Variants in RPS6KA2 observed in about 807,000 individuals in gnomAD.
RPS6KA2 encodes the protein ribosomal protein S6 kinase A2.
In RPS6KA2, 42 loss-of-function variants were observed where a neutral mutation model predicts 91.8. That is an observed-to-expected ratio of 0.46 (90% confidence interval 0.36 to 0.59). The LOEUF is 0.59. Ranked by LOEUF, RPS6KA2 falls within the 20% of genes least tolerant of loss-of-function variation. RPS6KA2 has a pLI of 0.00. For synonymous variants in RPS6KA2, 414 were observed against 393.6 expected (o/e 1.05, Z -0.61); for missense variants, 798 against 978.5 (o/e 0.82, Z 2.46).
chr6:166,429,603 A>T (rs1309530862), intron 16 of RPS6KA2, among the ~76,000 whole-genome samples: 1 of 152,082 alleles, frequency 6.6e-6, no homozygotes, highest in East Asian at 1.9e-4. Flanking sequence ...GGTGTGTGCC[A>T]CCAAGCCTGG....
At chr6:166,653,811 A>C (rs577450715) in intron 2 of RPS6KA2, among the ~76,000 whole-genome samples, 1 of 152,246 alleles carries the variant, frequency 6.6e-6, no homozygotes, top group African/African-American at 2.4e-5. Context: ...GAAAACAGAA[A>C]ATAACTTCTA....
chr6:166,537,706 T>C (rs1300105420), intron 2 of RPS6KA2, among the ~76,000 whole-genome samples: 1 of 152,254 alleles, frequency 6.6e-6, no homozygotes, highest in Non-Finnish European at 1.5e-5. Context: ...CAAAGTCATG[T>C]GAAGAATGCA....
At chr6:166,466,232 A>G (rs1344289784) in intron 11 of RPS6KA2, among the ~76,000 whole-genome samples, 1 of 152,250 alleles carries the variant, frequency 6.6e-6, no homozygotes, top group Non-Finnish European at 1.5e-5. Context: ...CACCCTGAGC[A>G]GAGGCGCTGT....
chr6:166,414,089 A>G (rs1050755662), intron 19 of RPS6KA2, among the ~76,000 whole-genome samples, 158 bp from the exon 20 acceptor site: 1 of 152,220 alleles, frequency 6.6e-6, no homozygotes, highest in African/African-American at 2.4e-5. Flanking sequence ...TTTCAGGTTT[A>G]GAAGTATGTC....
At chr6:166,764,464 T>C (rs1234498006) in intron 2 of RPS6KA2, among the ~76,000 whole-genome samples, 1 of 151,996 alleles carries the variant, frequency 6.6e-6, no homozygotes, top group Admixed American at 6.5e-5. Context: ...CGCGCTTCCC[T>C]CCTCACAAGG....
In RPS6KA2 at chr6:166,476,005, A is replaced by T. The variant is rs191510595; in HGVS notation, c.908-6100T>A. 2.3e-3 allele frequency among the ~76,000 whole-genome samples: 356 copies of T among 152,244 alleles called. 1 individual carries two copies. The highest frequency in any genetic ancestry group is 5.4e-3 in the Admixed American group (82 of 15,290). On this transcript the variant is annotated intron_variant, in intron 10 of 20. Transcript: ENST00000265678. Reference sequence around the variant, plus strand: ...TGAAGCCCTAATCCCCAATATCCCCAATGTCTCACAATGTGACCACATGTG... The same window carrying T: ...TGAAGCCCTAATCCCCAATATCCCCTATGTCTCACAATGTGACCACATGTG...
At chr6:166,578,048 T>C (rs902102145) in intron 1 of RPS6KA2, among the ~76,000 whole-genome samples, 2 of 152,316 alleles carry the variant, frequency 1.3e-5, no homozygotes, top group African/African-American at 4.8e-5. Flanking sequence ...ATATAAGAAA[T>C]GTTTTTTGCC....
chr6:166,701,616 G>A, intron 2 of RPS6KA2: 8 of 1,320,758 alleles, frequency 6.1e-6, no homozygotes, highest in Non-Finnish European at 7.6e-6. Flanking sequence ...GAACAGTCTC[G>A]GATTCTGATT....
chr6:166,430,080 CCCGAGTAGCT>C (rs1329675270), intron 16 of RPS6KA2, among the ~76,000 whole-genome samples: 1 of 151,918 alleles, frequency 6.6e-6, no homozygotes, highest in African/African-American at 2.4e-5. Context: ...GCCTCAGCCT[CCCGAGTAGCT>C]AGGATTGCAG....
intron 2 of RPS6KA2, among the ~76,000 whole-genome samples, chr6:166,650,287 A>G (rs888571371): frequency 6.6e-6 from 1 of 152,056 alleles, no homozygotes; most frequent in Non-Finnish European, 1.5e-5. Flanking sequence ...TTTCATCACC[A>G]CATTCTTATT....
chr6:166,791,937 A>G (rs945328645), intron 2 of RPS6KA2, among the ~76,000 whole-genome samples: 1 of 152,066 alleles, frequency 6.6e-6, no homozygotes, highest in Non-Finnish European at 1.5e-5. Context: ...TTGACACCCT[A>G]ACATCACAAT....
At chr6:166,466,525 C>T (rs1418625743) in intron 11 of RPS6KA2, among the ~76,000 whole-genome samples, 4 of 152,168 alleles carry the variant, frequency 2.6e-5, no homozygotes, top group Non-Finnish European at 5.9e-5. Context: ...CAGCTGCAGC[C>T]CTCAGGGTCT....
chr6:166,427,607 C>G (rs1778971277), intron 16 of RPS6KA2, among the ~76,000 whole-genome samples: 1 of 152,108 alleles, frequency 6.6e-6, no homozygotes, highest in African/African-American at 2.4e-5. Flanking sequence ...AGCAAAGTCT[C>G]AGGATACAAA....
chr6:166,687,722 T>C (rs957553083), intron 2 of RPS6KA2, among the ~76,000 whole-genome samples: 3 of 152,240 alleles, frequency 2.0e-5, no homozygotes, highest in Non-Finnish European at 4.4e-5. Flanking sequence ...TTCAAACAAA[T>C]TTAAGTTGGG....
chr6:166,463,795 T>C (rs1315989952), intron 11 of RPS6KA2, among the ~76,000 whole-genome samples: 1 of 152,148 alleles, frequency 6.6e-6, no homozygotes, highest in Non-Finnish European at 1.5e-5. Context: ...TGCAAAAATA[T>C]GCAGACCAGA....
intron 14 of RPS6KA2, among the ~76,000 whole-genome samples, chr6:166,436,029 C>T (rs906494980): frequency 2.6e-5 from 4 of 152,228 alleles, no homozygotes; most frequent in Admixed American, 2.6e-4. Context: ...AGGCACTCCT[C>T]TGGCTCACTG....
At position 166,448,161 on chromosome 6, in the gene RPS6KA2, G is replaced by A. The variant is rs986554632; in HGVS notation, c.1332+563C>T. ...TTCTCTATACTGTTCTTGACGGTTGGGAGTAAAACCATTAGCTCTCTGCCA... is the reference window on the plus strand; with the variant it reads ...TTCTCTATACTGTTCTTGACGGTTGAGAGTAAAACCATTAGCTCTCTGCCA... On this transcript the variant is annotated intron_variant, in intron 14 of 20. Coordinates refer to ENST00000265678, the MANE Select transcript of RPS6KA2 (RefSeq NM_021135.6). The surrounding 1 kb of genome is among the most constrained non-coding windows in gnomAD (Gnocchi z 4.7). 6.6e-6 allele frequency among the ~76,000 whole-genome samples: 1 copy of A among 152,146 alleles called. No individual in the cohort carries two copies. The highest frequency in any genetic ancestry group is 2.4e-5 in the African/African-American group (1 of 41,432).
chr6:166,538,379 C>A (rs1355710841), intron 2 of RPS6KA2, among the ~76,000 whole-genome samples: 3 of 152,188 alleles, frequency 2.0e-5, no homozygotes, highest in Non-Finnish European at 4.4e-5. Context: ...AGGTCAATAA[C>A]CTTCCTCACC....
At chr6:166,724,662 G>A (rs573459373) in intron 2 of RPS6KA2, among the ~76,000 whole-genome samples, 7 of 152,276 alleles carry the variant, frequency 4.6e-5, no homozygotes, top group East Asian at 3.9e-4. Flanking sequence ...TTTTCCTGCC[G>A]CCTGTTTCTA....
Sources: allele counts gnomAD v4.1 joint callset (sites outside exome capture counted in the v4.1 genomes callset), GRCh38; gene constraint gnomAD v4.1.1; non-coding constraint Gnocchi (gnomAD v3.1); transcripts MANE v1.5; gene names NCBI Gene and HGNC (gene_info 2026-07-23, HGNC 2026-07-21).